The following AFAP1 variants were observed in gnomAD, a reference collection of about 807,000 sequenced individuals.
AFAP1 encodes the protein actin filament-associated protein 1.
In AFAP1, 75 loss-of-function variants were observed where a neutral mutation model predicts 93.9. That is an observed-to-expected ratio of 0.80 (90% CI 0.66 to 0.97). The LOEUF (loss-of-function observed/expected upper bound fraction) is 0.97. AFAP1 is among the 50% of genes least tolerant of loss of function. The pLI is 0.00. For synonymous variants in AFAP1, 517 were observed against 430.7 expected, an observed-to-expected ratio of 1.20 and a Z score of -2.48; for missense variants, 1,201 against 1,050.8, an observed-to-expected ratio of 1.14 and a Z score of -1.98.
At chr4:7,858,561 C>A (rs1715333518) in intron 3 of AFAP1, among the ~76,000 whole-genome samples, 1 of 152,076 alleles carries the variant, frequency 6.6e-6, no homozygotes, top group Non-Finnish European at 1.5e-5. Flanking sequence ...AATAAGAATT[C>A]ACTGAGAGCA....
At chr4:7,880,520 C>G (rs1354353152) in intron 1 of AFAP1, among the ~76,000 whole-genome samples, 1 of 152,046 alleles carries the variant, frequency 6.6e-6, no homozygotes, top group Non-Finnish European at 1.5e-5. Context: ...CCTGATGATC[C>G]ACCCACCTAG....
At chr4:7,915,499 A>G (rs891705202) in intron 1 of AFAP1, among the ~76,000 whole-genome samples, 20 of 151,956 alleles carry the variant, frequency 1.3e-4, no homozygotes, top group Non-Finnish European at 1.8e-4. Flanking sequence ...GAAGAAGAAG[A>G]AGGAAAAAGA....
Position 7,871,931 on chromosome 4 carries a change from A to G in AFAP1, c.127+21T>C, listed in dbSNP as rs373516860. On this transcript the variant is annotated intron_variant, in intron 2 of 17. Coordinates refer to ENST00000420658, the MANE Select transcript of AFAP1 (RefSeq NM_001134647.2). ...CCAAGACACTGTAAGAAGGAAAAGCAGGCGTCAGAATGAGACTCACCTTTG... is the reference window on the plus strand; with the variant it reads ...CCAAGACACTGTAAGAAGGAAAAGCGGGCGTCAGAATGAGACTCACCTTTG... The G allele has an allele frequency of 3.1e-6, 5 of 1,612,802 alleles. No homozygotes were observed. The South Asian group carries it at 4.4e-5, about 14-fold the overall frequency.
intron 9 of AFAP1, among the ~76,000 whole-genome samples, chr4:7,808,944 G>A (rs2149048955): frequency 6.6e-6 from 1 of 152,296 alleles, no homozygotes; most frequent in Non-Finnish European, 1.5e-5. Context: ...TGTATAGCCT[G>A]CAGAACCATA....
chr4:7,858,895 T>C (rs1715367234), intron 3 of AFAP1, among the ~76,000 whole-genome samples: 1 of 152,108 alleles, frequency 6.6e-6, no homozygotes, highest in Admixed American at 6.5e-5. Context: ...CTTCCAAAAT[T>C]CCATTGAGAG....
intron 9 of AFAP1, 32 bp downstream of exon 9, chr4:7,809,582 A>T (rs1185093656): frequency 6.3e-7 from 1 of 1,599,952 alleles, no homozygotes; most frequent in East Asian, 2.2e-5. Context: ...ACTTAGGTGC[A>T]CGCTGCTCGT....
intron 6 of AFAP1, among the ~76,000 whole-genome samples, chr4:7,836,442 G>C (rs1388985478): frequency 1.3e-5 from 2 of 152,180 alleles, no homozygotes; most frequent in African/African-American, 4.8e-5. Flanking sequence ...GACTGCTAAT[G>C]GGTATGGCGT....
intron 1 of AFAP1, among the ~76,000 whole-genome samples, chr4:7,878,844 A>C (rs1717676161): frequency 6.6e-6 from 1 of 152,142 alleles, no homozygotes; most frequent in South Asian, 2.1e-4. Flanking sequence ...ACCAGCTGTC[A>C]CTACTTTTTA....
chr4:7,792,519 TGTA>T (rs1219308490), intron 11 of AFAP1, among the ~76,000 whole-genome samples: 1 of 152,182 alleles, frequency 6.6e-6, no homozygotes, highest in Non-Finnish European at 1.5e-5. Context: ...AGATGATGGG[TGTA>T]GCTAGCTCAT....
chr4:7,782,473 T>A (rs1307009412), intron 12 of AFAP1, among the ~76,000 whole-genome samples: 1 of 152,234 alleles, frequency 6.6e-6, no homozygotes, highest in Non-Finnish European at 1.5e-5. Flanking sequence ...ATTAGATGCT[T>A]CCAAATCTAA....
At chr4:7,849,117 G>A (rs1434149660) in intron 4 of AFAP1, among the ~76,000 whole-genome samples, 1 of 152,154 alleles carries the variant, frequency 6.6e-6, no homozygotes, top group African/African-American at 2.4e-5. Context: ...TTCTCAAGGG[G>A]ACTGGAGCGC....
chr4:7,890,233 C>T (rs1041476534), intron 1 of AFAP1, among the ~76,000 whole-genome samples: 2 of 152,198 alleles, frequency 1.3e-5, no homozygotes, highest in Admixed American at 6.5e-5. Context: ...CACACATAAA[C>T]GGTCAACTGA....
chr4:7,931,839 A>G (rs1210330607), intron 1 of AFAP1, among the ~76,000 whole-genome samples: 2 of 151,742 alleles, frequency 1.3e-5, no homozygotes, highest in African/African-American at 4.8e-5. Context: ...CAGGTTAAAA[A>G]CCTTAGGATT....
chr4:7,763,900 A>T (rs1024505965), intron 17 of AFAP1, 109 bp from the exon 18 acceptor site: 2 of 1,049,028 alleles, frequency 1.9e-6, no homozygotes, highest in Non-Finnish European at 1.4e-6. Flanking sequence ...CGGCTACTGC[A>T]GAAAACTCAA....
intron 17 of AFAP1, 133 bp downstream of exon 17, chr4:7,768,711 G>A: frequency 1.8e-6 from 2 of 1,136,466 alleles, no homozygotes; most frequent in Non-Finnish European, 2.4e-6. Flanking sequence ...CCCATTCCCA[G>A]ATGTCTACTG....
chr4:7,787,441 T>C (rs928124753), intron 11 of AFAP1, among the ~76,000 whole-genome samples: 1 of 152,126 alleles, frequency 6.6e-6, no homozygotes. Flanking sequence ...TCACAACCTA[T>C]TGGTTAGACG....
At chr4:7,819,421 G>T (rs1286566944) in intron 6 of AFAP1, among the ~76,000 whole-genome samples, 1 of 152,314 alleles carries the variant, frequency 6.6e-6, no homozygotes, top group South Asian at 2.1e-4. Flanking sequence ...TGCTGGCATG[G>T]AGTTTCATTC....
chr4:7,787,746 C>T (rs931906169), intron 11 of AFAP1, among the ~76,000 whole-genome samples: 1 of 152,172 alleles, frequency 6.6e-6, no homozygotes, highest in African/African-American at 2.4e-5. Flanking sequence ...GCCCAACACC[C>T]CCAGGGGCTT....
In AFAP1 at chr4:7,932,891, G is replaced by A. The variant is rs996417573; in HGVS notation, c.-3+6765C>T. Among the ~76,000 whole-genome samples the A allele has an allele frequency of 2.6e-4, 40 of 152,004 alleles. 1 individual carries two copies. Among genetic ancestry groups the A allele is most frequent in the Admixed American group, 2.4e-3 (37 of 15,272 alleles). On this transcript the variant is annotated intron_variant, in intron 1 of 17. Coordinates refer to ENST00000420658, the MANE Select transcript of AFAP1 (RefSeq NM_001134647.2). ...AAAAATTAGCCAGGCTTGGTGGCACGTGCCTGTAGTCCCAGCTACTCAGGA... is the reference window on the plus strand; with the variant it reads ...AAAAATTAGCCAGGCTTGGTGGCACATGCCTGTAGTCCCAGCTACTCAGGA...
Sources: allele counts gnomAD v4.1 joint callset (sites outside exome capture counted in the v4.1 genomes callset), GRCh38; gene constraint gnomAD v4.1.1; transcripts MANE v1.5; gene names NCBI Gene and HGNC (gene_info 2026-07-23, HGNC 2026-07-21).